Variants in ZFPM1 observed in about 807,000 individuals in gnomAD.
The protein encoded by ZFPM1 is zinc finger protein, FOG family member 1.
In ZFPM1, 28 loss-of-function variants were observed where a neutral mutation model predicts 46.3. That is an observed-to-expected ratio of 0.60 (90% confidence interval 0.45 to 0.83). The LOEUF is 0.83. ZFPM1 is among the 40% of genes least tolerant of loss of function. The pLI is 0.00. For synonymous variants in ZFPM1, 957 were observed against 675.9 expected (o/e 1.42, Z -6.45); for missense variants, 1,878 against 1,432.4 (o/e 1.31, Z -5.02).
At chr16:88,505,959 G>A (rs931444189) in intron 3 of ZFPM1, among the ~76,000 whole-genome samples, 1 of 152,254 alleles carries the variant, frequency 6.6e-6, no homozygotes, top group Non-Finnish European at 1.5e-5. Context: ...TCCACAGTGA[G>A]TGCAGGGTCT....
chr16:88,460,774 C>T (rs1430208018), intron 1 of ZFPM1, among the ~76,000 whole-genome samples: 1 of 152,244 alleles, frequency 6.6e-6, no homozygotes, highest in African/African-American at 2.4e-5. Context: ...GAGCAGACCC[C>T]TGGTCCCGCG....
At chr16:88,530,088 C>T (rs1458920680) in intron 6 of ZFPM1, among the ~76,000 whole-genome samples, 1 of 152,044 alleles carries the variant, frequency 6.6e-6, no homozygotes, top group Non-Finnish European at 1.5e-5. Context: ...CTGAAGAAGG[C>T]ACGGAGGGGA....
chr16:88,530,777 G>T (rs1912725928), intron 6 of ZFPM1, among the ~76,000 whole-genome samples: 2 of 152,238 alleles, frequency 1.3e-5, no homozygotes, highest in South Asian at 4.1e-4. Context: ...TCCCAGGTCT[G>T]GGACCCAGCT....
At chr16:88,475,204 C>T (rs955001707) in intron 1 of ZFPM1, among the ~76,000 whole-genome samples, 4 of 152,374 alleles carry the variant, frequency 2.6e-5, no homozygotes, top group Middle Eastern at 3.4e-3. Flanking sequence ...GGCAGGTGGA[C>T]GCTCCCGTGG....
At chr16:88,461,032 T>G (rs1597226591) in intron 1 of ZFPM1, among the ~76,000 whole-genome samples, 3 of 92,118 alleles carry the variant, frequency 3.3e-5, no homozygotes, top group African/African-American at 9.2e-5. Context: ...GGAGGCCTGG[T>G]GAGGACCGAG....
At chr16:88,485,885 C>T in intron 1 of ZFPM1, 54 bp from the exon 2 acceptor site, 1 of 1,540,178 alleles carries the variant, frequency 6.5e-7, no homozygotes, top group African/African-American at 1.4e-5. Context: ...GGTCAGGAGG[C>T]AGGAGCTGTC....
intron 6 of ZFPM1, among the ~76,000 whole-genome samples, chr16:88,528,916 C>T (rs943544956): frequency 6.6e-6 from 1 of 152,240 alleles, no homozygotes; most frequent in African/African-American, 2.4e-5. Flanking sequence ...CTGGGGACAA[C>T]TGAAGTGGAC....
At chr16:88,472,785 C>T (rs776383065) in intron 1 of ZFPM1, among the ~76,000 whole-genome samples, 1 of 152,274 alleles carries the variant, frequency 6.6e-6, no homozygotes, top group Non-Finnish European at 1.5e-5. Flanking sequence ...AACTCCACGC[C>T]CTCCCGGCAC....
chr16:88,501,208 T>G (rs1350501701), intron 3 of ZFPM1, among the ~76,000 whole-genome samples: 4 of 117,074 alleles, frequency 3.4e-5, no homozygotes, highest in Middle Eastern at 5.9e-3. Flanking sequence ...GTGCTGGTGA[T>G]GATGGAGATA....
intron 1 of ZFPM1, among the ~76,000 whole-genome samples, chr16:88,470,899 G>A (rs143201871): frequency 2.6e-5 from 4 of 152,108 alleles, no homozygotes; most frequent in South Asian, 2.1e-4. Flanking sequence ...CATCCTCGCC[G>A]AGCGCACAGT....
Position 88,457,422 on chromosome 16 carries a change from G to T in ZFPM1, c.40+3744G>T, listed in dbSNP as rs992383855. Among the ~76,000 whole-genome samples, 4 of 152,234 alleles carry T rather than the reference G, an allele frequency of 2.6e-5. No homozygotes were observed. In the East Asian group the frequency reaches 7.7e-4, roughly 29 times the overall value. On this transcript the variant is annotated intron_variant, in intron 1 of 9. Transcript: ENST00000319555. Reference sequence around the variant, plus strand: ...GTTACTGTGCTTTCCACAGCTCTCAGTTTCCCCCTGTTGGAAACATGGATA... The same window carrying T: ...GTTACTGTGCTTTCCACAGCTCTCATTTTCCCCCTGTTGGAAACATGGATA...
chr16:88,467,719 C>G (rs1378258231), intron 1 of ZFPM1, among the ~76,000 whole-genome samples: 1 of 152,166 alleles, frequency 6.6e-6, no homozygotes, highest in Non-Finnish European at 1.5e-5. Context: ...CCTAAGCTGA[C>G]CCGTGCCCTT....
At chr16:88,472,023 C>T (rs963128673) in intron 1 of ZFPM1, among the ~76,000 whole-genome samples, 3 of 152,254 alleles carry the variant, frequency 2.0e-5, no homozygotes, top group Non-Finnish European at 1.5e-5. Context: ...CCCTGATGGG[C>T]AGCGGAAGTC....
chr16:88,522,383 C>T (rs1411731396), intron 4 of ZFPM1, among the ~76,000 whole-genome samples: 3 of 152,200 alleles, frequency 2.0e-5, no homozygotes, highest in Admixed American at 1.3e-4. Flanking sequence ...GCCTCAGCCT[C>T]AGCTCCCACC....
intron 3 of ZFPM1, among the ~76,000 whole-genome samples, chr16:88,504,589 T>A (rs756034463): frequency 1.3e-5 from 2 of 152,090 alleles, no homozygotes; most frequent in East Asian, 3.9e-4. Flanking sequence ...CCAGGGTGCA[T>A]GGAGAAAGAG....
At chr16:88,461,015 TGGG>T (rs1907820256) in intron 1 of ZFPM1, among the ~76,000 whole-genome samples, 7 of 8,202 alleles carry the variant, frequency 8.5e-4, no homozygotes, top group Admixed American at 5.3e-3. Flanking sequence ...GACCGAGGGG[TGGG>T]GCGGGAGGCC....
intron 3 of ZFPM1, among the ~76,000 whole-genome samples, chr16:88,494,979 G>A (rs1043552060): frequency 3.3e-5 from 5 of 152,372 alleles, no homozygotes; most frequent in Non-Finnish European, 7.4e-5. Context: ...GGCTGCTTAA[G>A]ATTCTGCTAT....
chr16:88,522,043 C>T (rs1005725766), intron 4 of ZFPM1: 1 of 152,692 alleles, frequency 6.5e-6, no homozygotes, highest in Admixed American at 6.5e-5. Context: ...GGCGGCTCCA[C>T]ACTCCAGGAC....
At chr16:88,482,815 G>T (rs1909010233) in intron 1 of ZFPM1, among the ~76,000 whole-genome samples, 1 of 152,192 alleles carries the variant, frequency 6.6e-6, no homozygotes, top group Non-Finnish European at 1.5e-5. Context: ...CGGGCCTCTA[G>T]AAGGGGGAGG....
Sources: gnomAD v4.1 joint callset for allele counts (sites outside exome capture counted in the v4.1 genomes callset) on GRCh38, gnomAD v4.1.1 for gene constraint, MANE v1.5 for transcripts, NCBI Gene and HGNC (gene_info 2026-07-23, HGNC 2026-07-21) for gene names.